FUT8: variants seen among roughly 807,000 people sequenced by gnomAD.
FUT8 encodes alpha-(1,6)-fucosyltransferase.
A neutral mutation model predicts 71.3 loss-of-function variants in FUT8; 29 were observed. The observed-to-expected ratio is 0.41, with a 90% CI of 0.30 to 0.55. FUT8 has a LOEUF of 0.55. Ranked by LOEUF, FUT8 falls within the 20% of genes least tolerant of loss-of-function variation. The pLI, the probability that FUT8 is intolerant of heterozygous loss-of-function variation, is 0.34. For synonymous variants in FUT8, 254 were observed against 239.3 expected, an observed-to-expected ratio of 1.06 and a Z score of -0.57; for missense variants, 544 against 702.1, an observed-to-expected ratio of 0.77 and a Z score of 2.55.
the FUT8 span, among the ~76,000 whole-genome samples, chr14:65,379,399 T>G: frequency 6.6e-6 from 1 of 151,896 alleles, no homozygotes; most frequent in Non-Finnish European, 1.5e-5. Flanking sequence ...GGCATGGTGG[T>G]GCACACCGTG....
intron 1 of FUT8, among the ~76,000 whole-genome samples, chr14:65,418,812 C>G (rs551413438): frequency 6.6e-6 from 1 of 152,096 alleles, no homozygotes; most frequent in African/African-American, 2.4e-5. Flanking sequence ...TAGAACATTT[C>G]CAGGTAAAAC....
intron 2 of FUT8, among the ~76,000 whole-genome samples, chr14:65,558,580 G>T (rs1168803673): frequency 6.6e-6 from 1 of 152,102 alleles, no homozygotes; most frequent in Non-Finnish European, 1.5e-5. Context: ...CTGAGTGCCT[G>T]GGATACATCA....
At chr14:65,476,678 A>C (rs2066250182) in intron 2 of FUT8, among the ~76,000 whole-genome samples, 1 of 116,322 alleles carries the variant, frequency 8.6e-6, no homozygotes, top group Non-Finnish European at 1.7e-5. Flanking sequence ...TTTTGGCGAC[A>C]GGGTTTTGCT....
chr14:65,373,921 C>G, the FUT8 span, among the ~76,000 whole-genome samples: 1 of 152,034 alleles, frequency 6.6e-6, no homozygotes, highest in Admixed American at 6.6e-5. Context: ...GGGGCACGGA[C>G]AGCTGCCTGG....
rs1004119665 is a variant in FUT8, at chr14:65,536,980, T to A, written c.-227-24357T>A. Among the ~76,000 whole-genome samples the A allele has an allele frequency of 1.1e-3, 161 of 149,790 alleles. 1 individual carries two copies. The highest frequency in any genetic ancestry group is 9.6e-3 in the Admixed American group (144 of 15,008). On this transcript the variant is annotated intron_variant, in intron 2 of 10. Transcript: ENST00000673929. Reference sequence around the variant, plus strand: ...TTCATCTTCTTCTTCTTTTTTTTTTTTTTTTGCTGACTGTCTTATTTCAGA... The same window carrying A: ...TTCATCTTCTTCTTCTTTTTTTTTTATTTTTGCTGACTGTCTTATTTCAGA...
Sources: gnomAD v4.1 joint callset for allele counts (sites outside exome capture counted in the v4.1 genomes callset) on GRCh38, gnomAD v4.1.1 for gene constraint, MANE v1.5 for transcripts, NCBI Gene and HGNC (gene_info 2026-07-23, HGNC 2026-07-21) for gene names.